Variants in NSD1 observed in about 807,000 individuals in gnomAD.
The protein encoded by NSD1 is histone-lysine N-methyltransferase, H3 lysine-36 specific.
NSD1 carries 26 observed loss-of-function variants against 242.7 expected under a neutral mutation model. That is an observed-to-expected ratio of 0.11 (90% confidence interval 0.08 to 0.15). The LOEUF is 0.15. NSD1 is among the 10% of genes least tolerant of loss of function. The pLI is 1.00. For missense variants in NSD1, 2,495 were observed against 3,272.8 expected (o/e 0.76, Z 5.80); for synonymous variants, 1,106 against 1,178.1 (o/e 0.94, Z 1.25).
Position 177,294,628 on chromosome 5 carries a change from T to A in NSD1, c.7260T>A (p.Pro2420=), listed in dbSNP as rs1562310259. ...CCTCTTTGTCCCAGAGACTCCCACC[T>A]CCTGAGAAAGTACTATCAGCTGTGG... The part of the protein sequence containing the change: ...PHASLSQRLP[P]PEKVLSAVVQ... The change falls in exon 23 of 23, where the codon CCT becomes CCA. Residue 2420 remains proline, a synonymous_variant. Coordinates refer to ENST00000439151, the MANE Select transcript of NSD1 (RefSeq NM_022455.5). 1 of 1,614,170 alleles carries A rather than the reference T, an allele frequency of 6.2e-7. No homozygotes were observed.
intron 6 of NSD1, among the ~76,000 whole-genome samples, chr5:177,236,358 T>C (rs1765435681): frequency 6.6e-6 from 1 of 152,210 alleles, no homozygotes; most frequent in East Asian, 1.9e-4. Flanking sequence ...TAGTTTAATA[T>C]GTAGTTAAAA....
chr5:177,261,308 T>C (rs1756985705), intron 14 of NSD1, among the ~76,000 whole-genome samples: 1 of 150,008 alleles, frequency 6.7e-6, no homozygotes, highest in South Asian at 2.1e-4. Context: ...TCTTAACTTC[T>C]GACCTCAGTT....
At chr5:177,290,908 G>A (rs769811493) in intron 21 of NSD1, among the ~76,000 whole-genome samples, 13 of 152,086 alleles carry the variant, frequency 8.5e-5, no homozygotes, top group East Asian at 5.8e-4. Flanking sequence ...AGTGTAGTGC[G>A]GATGTCAGTT....
intron 2 of NSD1, among the ~76,000 whole-genome samples, chr5:177,146,414 CA>C (rs972743850): frequency 6.6e-6 from 1 of 151,778 alleles, no homozygotes; most frequent in African/African-American, 2.4e-5. Context: ...CCGTGTTATC[CA>C]GGGTGGTCTC....
At chr5:177,251,331 A>T (rs1182240987) in intron 11 of NSD1, among the ~76,000 whole-genome samples, 1 of 152,148 alleles carries the variant, frequency 6.6e-6, no homozygotes, top group African/African-American at 2.4e-5. Context: ...GGATGGTTGT[A>T]GGTATGTCCC....
chr5:177,199,441 T>C (rs1454949627), intron 3 of NSD1, among the ~76,000 whole-genome samples: 3 of 152,046 alleles, frequency 2.0e-5, no homozygotes, highest in Non-Finnish European at 4.4e-5. Flanking sequence ...AATTTTTTTA[T>C]AGACAGGGTC....
At chr5:177,199,459 A>G (rs566506744) in intron 3 of NSD1, among the ~76,000 whole-genome samples, 3 of 152,194 alleles carry the variant, frequency 2.0e-5, no homozygotes, top group Admixed American at 6.5e-5. Context: ...GTCTCCCTGT[A>G]TTGCCCATGC....
At chr5:177,146,489 C>A (rs1391767749) in intron 2 of NSD1, among the ~76,000 whole-genome samples, 1 of 151,932 alleles carries the variant, frequency 6.6e-6, no homozygotes, top group Non-Finnish European at 1.5e-5. Context: ...CAGGCTTGAG[C>A]CACCGCGTCC....
At chr5:177,162,464 C>T (rs1037349549) in intron 2 of NSD1, among the ~76,000 whole-genome samples, 4 of 151,744 alleles carry the variant, frequency 2.6e-5, no homozygotes, top group Non-Finnish European at 5.9e-5. Flanking sequence ...GGTAGGATCT[C>T]GGCTCACTGC....
At chr5:177,241,457 G>T (rs1765861171) in intron 8 of NSD1, among the ~76,000 whole-genome samples, 1 of 151,326 alleles carries the variant, frequency 6.6e-6, no homozygotes, top group Non-Finnish European at 1.5e-5. Context: ...GTGAGTCGAG[G>T]TCATGCCATT....
chr5:177,139,254 G>GAA (rs35496664), intron 2 of NSD1, among the ~76,000 whole-genome samples: 8 of 135,412 alleles, frequency 5.9e-5, no homozygotes, highest in East Asian at 2.1e-4. Flanking sequence ...TCCCTCTCAA[G>GAA]AAAAAAAAAA....
At chr5:177,224,883 A>T (rs1440880001) in intron 5 of NSD1, among the ~76,000 whole-genome samples, 1 of 151,696 alleles carries the variant, frequency 6.6e-6, no homozygotes, top group Non-Finnish European at 1.5e-5. Context: ...CATTTGTAAG[A>T]TCTTTTTTGT....
Position 177,268,794 on chromosome 5 carries a change from T to C in NSD1, c.5304-808T>C, listed in dbSNP as rs371565866. Among the ~76,000 whole-genome samples the C allele has an allele frequency of 7.9e-5, 12 of 152,346 alleles. No homozygotes were observed. The East Asian group carries it at 1.7e-3, about 22-fold the overall frequency. On this transcript the variant is annotated intron_variant, in intron 15 of 22. Transcript: ENST00000439151. The stretch of plus-strand genomic sequence containing the variant: ...TTCCTGCAACTTTTTTCATTCACTT[T>C]TATGCCCCTGAGATTCATCATAGTA...
chr5:177,280,141 C>T (rs1758752622), intron 17 of NSD1, among the ~76,000 whole-genome samples: 1 of 145,542 alleles, frequency 6.9e-6, no homozygotes, highest in African/African-American at 2.5e-5. Context: ...CCACACCTGT[C>T]TAATTTTTTG....
At chr5:177,222,722 C>A (rs1240493173) in intron 5 of NSD1, among the ~76,000 whole-genome samples, 1 of 152,034 alleles carries the variant, frequency 6.6e-6, no homozygotes, top group African/African-American at 2.4e-5. Context: ...AATAAGAGGT[C>A]TTTATATATT....
At chr5:177,171,047 G>A (rs993644044) in intron 2 of NSD1, among the ~76,000 whole-genome samples, 2 of 151,342 alleles carry the variant, frequency 1.3e-5, no homozygotes, top group Non-Finnish European at 2.9e-5. Context: ...ACCGGGCGGG[G>A]CGTGGTGGCT....
chr5:177,147,595 TG>T (rs1680715513), intron 2 of NSD1, among the ~76,000 whole-genome samples: 1 of 152,020 alleles, frequency 6.6e-6, no homozygotes, highest in Admixed American at 6.6e-5. Context: ...TTTTTTTGTT[TG>T]TTTTTTTTTT....
chr5:177,227,315 G>A (rs1219484650), intron 5 of NSD1, among the ~76,000 whole-genome samples: 1 of 152,082 alleles, frequency 6.6e-6, no homozygotes, highest in Non-Finnish European at 1.5e-5. Flanking sequence ...ATGCCTTATG[G>A]TCTTAAATAC....
At chr5:177,137,005 G>A (rs1393064164) in intron 2 of NSD1, 4 of 600,320 alleles carry the variant, frequency 6.7e-6, no homozygotes, top group South Asian at 1.9e-5. Flanking sequence ...TATATATTCC[G>A]TGTGTATAGA....
Sources: allele counts gnomAD v4.1 joint callset (sites outside exome capture counted in the v4.1 genomes callset), GRCh38; gene constraint gnomAD v4.1.1; transcripts MANE v1.5; gene names NCBI Gene and HGNC (gene_info 2026-07-23, HGNC 2026-07-21).